PKNOX2: variants seen among roughly 807,000 people sequenced by gnomAD.
The protein encoded by PKNOX2 is PBX/knotted 1 homeobox 2.
In PKNOX2, 14 loss-of-function variants were observed where a neutral mutation model predicts 53.1. That is an observed-to-expected ratio of 0.26 (90% confidence interval 0.17 to 0.41). The LOEUF is 0.41. Among genes scored for constraint, PKNOX2 ranks in the 10% least tolerant of loss-of-function variants. The probability of loss-of-function intolerance (pLI) is 1.00; values close to 1 mark genes in which losing one functional copy is unlikely to be tolerated. For missense variants in PKNOX2, 496 were observed against 602.8 expected, an observed-to-expected ratio of 0.82 and a Z score of 1.85; for synonymous variants, 257 against 242.8, an observed-to-expected ratio of 1.06 and a Z score of -0.54.
chr11:125,404,318 G>A (rs1045600270), intron 7 of PKNOX2, among the ~76,000 whole-genome samples: 2 of 152,202 alleles, frequency 1.3e-5, no homozygotes, highest in African/African-American at 4.8e-5. Flanking sequence ...AAACCTGAGC[G>A]CTTCTCCCGC....
At chr11:125,381,301 G>A (rs1953210759) in intron 5 of PKNOX2, among the ~76,000 whole-genome samples, 1 of 152,126 alleles carries the variant, frequency 6.6e-6, no homozygotes, top group Admixed American at 6.5e-5. Context: ...GGGAGGCTGG[G>A]GTAGGAGAAG....
intron 1 of PKNOX2, among the ~76,000 whole-genome samples, chr11:125,185,940 A>G (rs1956420971): frequency 6.6e-6 from 1 of 152,146 alleles, no homozygotes; most frequent in Admixed American, 6.5e-5. Flanking sequence ...TAACTTTTTG[A>G]GGAACCACCA....
At chr11:125,301,812 A>C (rs1948090162) in intron 2 of PKNOX2, among the ~76,000 whole-genome samples, 1 of 152,218 alleles carries the variant, frequency 6.6e-6, no homozygotes, top group Non-Finnish European at 1.5e-5. Flanking sequence ...AGGCAAAGCC[A>C]TCTTTCTAAT....
chr11:125,336,588 A>G (rs1010509649), intron 3 of PKNOX2, among the ~76,000 whole-genome samples: 44 of 148,478 alleles, frequency 3.0e-4, no homozygotes, highest in Non-Finnish European at 4.5e-5. Context: ...AATAGACTAA[A>G]TAACACATAC....
intron 10 of PKNOX2, among the ~76,000 whole-genome samples, chr11:125,423,089 T>G (rs1956249360): frequency 6.6e-6 from 1 of 152,178 alleles, no homozygotes; most frequent in African/African-American, 2.4e-5. Context: ...TATATACGTA[T>G]GTATATACAC....
chr11:125,294,484 G>A (rs1190913652), intron 2 of PKNOX2, among the ~76,000 whole-genome samples: 1 of 152,198 alleles, frequency 6.6e-6, no homozygotes, highest in Non-Finnish European at 1.5e-5. Context: ...GGAGACCTTG[G>A]AATTGGGTTG....
In PKNOX2 at chr11:125,197,806, G is replaced by A. The variant is rs147943824; in HGVS notation, c.-201+33030G>A. Among the ~76,000 whole-genome samples the A allele has an allele frequency of 2.1e-3, 319 of 152,280 alleles. 4 individuals are homozygous for A. In the East Asian group the frequency reaches 0.025, roughly 12 times the overall value. ...GAGCTGGTGGGACTCCTGGAATGGC[G>A]TCCTGGTGATCTCAGGGTGGGTCAT... On this transcript the variant is annotated intron_variant, in intron 1 of 12. Transcript: ENST00000298282.
chr11:125,321,210 C>A (rs1204133339), intron 2 of PKNOX2, among the ~76,000 whole-genome samples: 2 of 152,156 alleles, frequency 1.3e-5, no homozygotes, highest in Non-Finnish European at 1.5e-5. Context: ...TTAACTATAA[C>A]CCAGAGCAGA....
intron 2 of PKNOX2, among the ~76,000 whole-genome samples, chr11:125,289,772 A>G (rs1947185815): frequency 2.0e-5 from 3 of 152,136 alleles, no homozygotes; most frequent in Non-Finnish European, 4.4e-5. Context: ...CTAGAGCCTT[A>G]AATCACTGTT....
chr11:125,165,280 G>A lies in PKNOX2; in HGVS notation c.-201+504G>A, dbSNP rs576446903. ...CCCCGTAGCGGGCGGGCGGGGAGCT[G>A]TGCGCCAGGAGCGCCAGGGGACCCG... On this transcript the variant is annotated intron_variant, in intron 1 of 12. Coordinates refer to ENST00000298282, the MANE Select transcript of PKNOX2 (RefSeq NM_001382323.2). This position sits in a 1 kb window ranked among gnomAD's most constrained non-coding sequence, Gnocchi z 4.5. Among the ~76,000 whole-genome samples, 1 of 152,208 alleles carries A rather than the reference G, an allele frequency of 6.6e-6. No individual in the cohort carries two copies. The highest frequency in any genetic ancestry group is 1.9e-4 in the East Asian group (1 of 5,154).
At chr11:125,410,377 A>G in intron 8 of PKNOX2, 52 bp downstream of exon 8, 4 of 1,608,346 alleles carry the variant, frequency 2.5e-6, no homozygotes, top group Non-Finnish European at 3.4e-6. Flanking sequence ...GGGAGGAGAA[A>G]GGGTGGCCCC....
intron 1 of PKNOX2, among the ~76,000 whole-genome samples, chr11:125,212,850 A>G (rs1669324607): frequency 6.6e-6 from 1 of 151,872 alleles, no homozygotes; most frequent in Admixed American, 6.6e-5. Flanking sequence ...GTAGATGGCA[A>G]TTAAGGGTCT....
intron 7 of PKNOX2, among the ~76,000 whole-genome samples, chr11:125,408,026 CT>C (rs1159728289): frequency 6.6e-6 from 1 of 152,180 alleles, no homozygotes; most frequent in Non-Finnish European, 1.5e-5. Flanking sequence ...TTGTTTTTAT[CT>C]GTTCACCTTG....
At chr11:125,195,566 G>A (rs936527455) in intron 1 of PKNOX2, among the ~76,000 whole-genome samples, 11 of 151,966 alleles carry the variant, frequency 7.2e-5, no homozygotes, top group Non-Finnish European at 1.2e-4. Context: ...CTGAAGAACC[G>A]AAAGAACTGG....
In PKNOX2 at chr11:125,351,291, A is replaced by T. The variant is rs1442987207; in HGVS notation, c.-15A>T. On this transcript the variant is annotated 5_prime_UTR_variant, in exon 4 of 13. It removes an upstream start codon present in the reference 5' UTR. Transcript: ENST00000298282. ...CCTTTCTCCTGCCCACAGGTCCTCC[A>T]TGTGAATCAATCCCATGATGCAACA... 6.4e-7 allele frequency: 1 copy of T among 1,557,816 alleles called. No homozygotes were observed. Among genetic ancestry groups the T allele is most frequent in the Non-Finnish European group, 8.8e-7 (1 of 1,132,194 alleles).
In PKNOX2 at chr11:125,404,834, G is replaced by A. The variant is rs532161678; in HGVS notation, c.589-5362G>A. On this transcript the variant is annotated intron_variant, in intron 7 of 12. Transcript: ENST00000298282. The stretch of plus-strand genomic sequence containing the variant: ...CGCCTGCATTAGAGAGAACCATTCT[G>A]TTGTGTCCAGTATGTAAGGCAGATG... Among the ~76,000 whole-genome samples the A allele has an allele frequency of 8.5e-5, 13 of 152,324 alleles. No individual in the cohort carries two copies. The East Asian group carries it at 1.4e-3, about 16-fold the overall frequency.
chr11:125,388,168 G>A (rs1490169399), intron 6 of PKNOX2, among the ~76,000 whole-genome samples: 1 of 152,006 alleles, frequency 6.6e-6, no homozygotes, highest in Non-Finnish European at 1.5e-5. Context: ...CCCTGGTCCT[G>A]TGTCAGGAAG....
chr11:125,171,813 A>G (rs1320191252), intron 1 of PKNOX2, among the ~76,000 whole-genome samples: 1 of 152,254 alleles, frequency 6.6e-6, no homozygotes, highest in Non-Finnish European at 1.5e-5. Flanking sequence ...AGGCTGCAGT[A>G]GAAAACAGGT....
At chr11:125,386,670 C>T (rs1033628589) in intron 6 of PKNOX2, among the ~76,000 whole-genome samples, 2 of 148,080 alleles carry the variant, frequency 1.4e-5, no homozygotes, top group Admixed American at 7.0e-5. Flanking sequence ...AAAAGGGAAA[C>T]AGAATTAGAA....
Sources: gnomAD v4.1 joint callset for allele counts (sites outside exome capture counted in the v4.1 genomes callset) on GRCh38, gnomAD v4.1.1 for gene constraint, Gnocchi (gnomAD v3.1) non-coding constraint, MANE v1.5 for transcripts, NCBI Gene and HGNC (gene_info 2026-07-23, HGNC 2026-07-21) for gene names.